Variants in SNX18 observed in about 807,000 individuals in gnomAD.
SNX18 encodes sorting nexin-18.
Under a neutral mutation model 48.7 loss-of-function variants are expected in SNX18, and 35 were observed. That is an observed-to-expected ratio of 0.72 (90% confidence interval 0.55 to 0.95). SNX18 has a LOEUF of 0.95. Ranked by LOEUF, SNX18 falls within the 40% of genes least tolerant of loss-of-function variation. The pLI, the probability that SNX18 is intolerant of heterozygous loss-of-function variation, is 0.00. For missense variants in SNX18, 824 were observed against 871.0 expected (o/e 0.95, Z 0.68); for synonymous variants, 492 against 384.7 (o/e 1.28, Z -3.26).
the SNX18 span, among the ~76,000 whole-genome samples, chr5:54,590,834 T>C: frequency 6.6e-6 from 1 of 152,314 alleles, no homozygotes; most frequent in South Asian, 2.1e-4. Context: ...CCCTAGATCC[T>C]GAGCTCCATG....
At chr5:54,638,081 G>A in the SNX18 span, among the ~76,000 whole-genome samples, 6 of 152,180 alleles carry the variant, frequency 3.9e-5, no homozygotes, top group Non-Finnish European at 7.3e-5. Flanking sequence ...ACCAAGGTGC[G>A]GGCTCCCATC....
At chr5:54,533,701 A>C (rs754639853) in intron 1 of SNX18, among the ~76,000 whole-genome samples, 26 of 152,234 alleles carry the variant, frequency 1.7e-4, no homozygotes, top group Admixed American at 3.3e-4. Context: ...GAGACATGCG[A>C]AGTGCAGAGC....
rs752045486 is a variant in SNX18 at position 54,519,439 on chromosome 5, C to T, written c.1487C>T (p.Thr496Ile). 1.2e-5 allele frequency: 19 copies of T among 1,614,124 alleles called. No homozygotes were observed. The highest frequency in any genetic ancestry group is 1.6e-5 in the Non-Finnish European group (19 of 1,180,040). Residue 496 changes from threonine to isoleucine, a missense_variant, in exon 1 of 2, where the codon ACC (threonine) becomes ATC (isoleucine). By Grantham distance (89) the Thr-to-Ile change is moderately conservative (BLOSUM62 -1). Coordinates refer to ENST00000381410, the MANE Select transcript of SNX18 (RefSeq NM_001102575.2). ...GGCCTGAACCAGGCTATCGCCTTCA[C>T]CGGAGATGCCTATGACGCCATTGGC... ...SVGLNQAIAF[T>I]GDAYDAIGEL... is the part of the protein sequence containing the mutation.
At chr5:54,527,200 A>G (rs564188587) in intron 1 of SNX18, among the ~76,000 whole-genome samples, 5 of 152,304 alleles carry the variant, frequency 3.3e-5, no homozygotes, top group South Asian at 2.1e-4. Flanking sequence ...AACTGGACAT[A>G]TTAACAGACT....
chr5:54,567,528 T>C, the SNX18 span, among the ~76,000 whole-genome samples: 1 of 152,090 alleles, frequency 6.6e-6, no homozygotes, highest in African/African-American at 2.4e-5. Context: ...GAATCGAAGA[T>C]GTTTCATTTT....
At chr5:54,527,274 A>G (rs1489739316) in intron 1 of SNX18, among the ~76,000 whole-genome samples, 2 of 151,120 alleles carry the variant, frequency 1.3e-5, no homozygotes, top group Admixed American at 1.3e-4. Flanking sequence ...GCAGGGAGCT[A>G]GTAGGAAATA....
At chr5:54,627,553 G>C in the SNX18 span, among the ~76,000 whole-genome samples, 1 of 152,172 alleles carries the variant, frequency 6.6e-6, no homozygotes, top group South Asian at 2.1e-4. Flanking sequence ...TTCAAAAACA[G>C]GTTCATAAGT....
At chr5:54,547,344 GTC>G (rs1277862070), downstream of SNX18, among the ~76,000 whole-genome samples, 1 of 152,224 alleles carries the variant, frequency 6.6e-6, no homozygotes, top group African/African-American at 2.4e-5. Context: ...GATCAGTGAA[GTC>G]TAATTTCTTT....
At chr5:54,630,644 G>A in the SNX18 span, among the ~76,000 whole-genome samples, 1 of 152,014 alleles carries the variant, frequency 6.6e-6, no homozygotes, top group African/African-American at 2.4e-5. Flanking sequence ...GACCAGCCTG[G>A]CCAACATGGT....
At chr5:54,634,200 A>C in the SNX18 span, among the ~76,000 whole-genome samples, 1 of 152,130 alleles carries the variant, frequency 6.6e-6, no homozygotes, top group Non-Finnish European at 1.5e-5. Flanking sequence ...CTCTCTTCTA[A>C]CATGCTTATT....
chr5:54,583,528 A>C, the SNX18 span, among the ~76,000 whole-genome samples: 183 of 152,326 alleles, frequency 1.2e-3, no homozygotes, highest in Non-Finnish European at 2.2e-3. Flanking sequence ...CTGGTTAAGA[A>C]CAAAGGCCTT....
At chr5:54,594,733 G>A in the SNX18 span, among the ~76,000 whole-genome samples, 1 of 152,110 alleles carries the variant, frequency 6.6e-6, no homozygotes, top group Non-Finnish European at 1.5e-5. Flanking sequence ...AGATTCAGGG[G>A]TATTACGTGA....
intron 1 of SNX18, among the ~76,000 whole-genome samples, chr5:54,536,514 A>C (rs1762358940): frequency 6.6e-6 from 1 of 152,152 alleles, no homozygotes; most frequent in Non-Finnish European, 1.5e-5. Context: ...TTTGCTCAGA[A>C]TGATGGTTTC....
chr5:54,604,999 A>G, the SNX18 span, among the ~76,000 whole-genome samples: 7 of 152,202 alleles, frequency 4.6e-5, no homozygotes, highest in Admixed American at 4.6e-4. Context: ...CTGAAGGTAG[A>G]CACAGGCTGG....
At chr5:54,584,848 G>A in the SNX18 span, among the ~76,000 whole-genome samples, 4 of 152,152 alleles carry the variant, frequency 2.6e-5, no homozygotes, top group African/African-American at 4.8e-5. Context: ...GACCTCTTCC[G>A]AGCTGTCCTG....
chr5:54,633,084 C>G, the SNX18 span, among the ~76,000 whole-genome samples: 1 of 151,964 alleles, frequency 6.6e-6, no homozygotes, highest in Admixed American at 6.6e-5. Flanking sequence ...GGTAGTATCT[C>G]TCTGATATCA....
chr5:54,524,727 G>A (rs777447775), intron 1 of SNX18, among the ~76,000 whole-genome samples: 4 of 152,216 alleles, frequency 2.6e-5, no homozygotes, highest in Non-Finnish European at 4.4e-5. Flanking sequence ...GATTATATCC[G>A]GAAGGCAGAC....
chr5:54,584,871 A>G, the SNX18 span, among the ~76,000 whole-genome samples: 2 of 152,200 alleles, frequency 1.3e-5, no homozygotes, highest in African/African-American at 4.8e-5. Context: ...GAAATGCCTC[A>G]GTGTTATCCT....
chr5:54,626,371 G>A, the SNX18 span, among the ~76,000 whole-genome samples: 28 of 151,978 alleles, frequency 1.8e-4, no homozygotes, highest in South Asian at 4.2e-4. Context: ...TGCCTAGGCC[G>A]GTCTCAAACT....
Sources: gnomAD v4.1 joint callset for allele counts (sites outside exome capture counted in the v4.1 genomes callset) on GRCh38, gnomAD v4.1.1 for gene constraint, MANE v1.5 for transcripts, NCBI Gene and HGNC (gene_info 2026-07-23, HGNC 2026-07-21) for gene names.